Variants in SLIT1 observed in about 807,000 individuals in gnomAD.
SLIT1 encodes the protein slit guidance ligand 1.
SLIT1 carries 66 observed loss-of-function variants against 186.1 expected under a neutral mutation model. The observed-to-expected ratio is 0.35, with a 90% CI of 0.29 to 0.44. The LOEUF (loss-of-function observed/expected upper bound fraction) is 0.44. Among genes scored for constraint, SLIT1 ranks in the 20% least tolerant of loss-of-function variants. SLIT1 has a pLI of 1.00. For missense variants in SLIT1, 1,638 were observed against 2,037.4 expected (o/e 0.80, Z 3.77); for synonymous variants, 761 against 833.8 (o/e 0.91, Z 1.50).
intron 4 of SLIT1, among the ~76,000 whole-genome samples, chr10:97,074,354 G>T (rs555063830): frequency 6.6e-6 from 1 of 152,332 alleles, no homozygotes; most frequent in South Asian, 2.1e-4. Context: ...AGAGGCAGGA[G>T]CTCAGGGCCA....
chr10:97,059,352 G>T (rs1015367719), intron 11 of SLIT1, 108 bp downstream of exon 11: 6 of 881,286 alleles, frequency 6.8e-6, no homozygotes, highest in Non-Finnish European at 1.1e-5. Context: ...CTGTGTGGAG[G>T]GGGGCATAGC....
At chr10:97,173,205 C>T (rs2134739111) in intron 1 of SLIT1, among the ~76,000 whole-genome samples, 1 of 152,322 alleles carries the variant, frequency 6.6e-6, no homozygotes, top group Non-Finnish European at 1.5e-5. Context: ...GGTTGTCTTC[C>T]TCCTGCTCAG....
intron 4 of SLIT1, among the ~76,000 whole-genome samples, chr10:97,119,810 T>C (rs1849542288): frequency 6.6e-6 from 1 of 150,930 alleles, no homozygotes; most frequent in South Asian, 2.1e-4. Context: ...CTGGAGCAAA[T>C]ATGCCCAATG....
chr10:97,110,151 CAG>C (rs1849451637), intron 4 of SLIT1, among the ~76,000 whole-genome samples: 1 of 152,208 alleles, frequency 6.6e-6, no homozygotes, highest in South Asian at 2.1e-4. Flanking sequence ...GAAGAAGGAA[CAG>C]AAACAATTCC....
At chr10:97,056,225 A>G (rs573459563) in intron 13 of SLIT1, 96 bp downstream of exon 13, 9 of 1,387,692 alleles carry the variant, frequency 6.5e-6, no homozygotes, top group Non-Finnish European at 9.0e-6. Flanking sequence ...TGAGCACAGC[A>G]GCCCAGAGCC....
At chr10:97,119,680 TG>T (rs1849541165) in intron 4 of SLIT1, among the ~76,000 whole-genome samples, 1 of 147,352 alleles carries the variant, frequency 6.8e-6, no homozygotes, top group African/African-American at 2.5e-5. Context: ...AGGCAGGAGG[TG>T]GCTCAGCAGC....
rs1258100831 is a variant in SLIT1, at chr10:97,004,252, G to T, written c.3711-30C>A. 6.3e-7 allele frequency: 1 copy of T among 1,589,716 alleles called. No individual in the cohort carries two copies. The highest frequency in any genetic ancestry group is 8.6e-7 in the Non-Finnish European group (1 of 1,160,940). ...AGGAAGAGGGGGTTCCCCGTTCCAG[G>T]GAGTGGGCATCAGTCTGGACCATCC... On this transcript the variant is annotated intron_variant, in intron 33 of 36. Coordinates refer to ENST00000266058, the MANE Select transcript of SLIT1 (RefSeq NM_003061.3). The surrounding 1 kb of genome is among the most constrained non-coding windows in gnomAD (Gnocchi z 5.1).
chr10:97,021,486 C>A lies in SLIT1; in HGVS notation c.2583-73G>T. The A allele has an allele frequency of 6.9e-7, 1 of 1,446,652 alleles. No individual in the cohort carries two copies. The highest frequency in any genetic ancestry group is 9.4e-7 in the Non-Finnish European group (1 of 1,059,106). The allele number at this position is 1,446,652 out of a possible 1,614,324, so 89.6% of individuals were successfully genotyped here. ...CTCGCCCACTGGGAACCTAGAGTCC[C>A]AGGCACTGCACCAGGGGCTGGCAAA... On this transcript the variant is annotated intron_variant, in intron 25 of 36. Coordinates refer to ENST00000266058, the MANE Select transcript of SLIT1 (RefSeq NM_003061.3). This position sits in a 1 kb window ranked among gnomAD's most constrained non-coding sequence, Gnocchi z 4.5.
chr10:97,048,308 C>A (rs34256921), intron 14 of SLIT1, among the ~76,000 whole-genome samples: 18,864 of 152,168 alleles, frequency 0.12, 1,295 homozygotes, highest in Non-Finnish European at 0.14. Flanking sequence ...GGCGTCAGGA[C>A]CTTGACCAGG....
At chr10:97,064,964 C>A in intron 5 of SLIT1, 88 bp from the exon 6 acceptor site, 1 of 967,768 alleles carries the variant, frequency 1.0e-6, no homozygotes, top group Non-Finnish European at 1.6e-6. Context: ...TCCATTCATT[C>A]AAAAGAGGTG....
intron 4 of SLIT1, among the ~76,000 whole-genome samples, chr10:97,083,767 T>C (rs1849128907): frequency 6.6e-6 from 1 of 152,094 alleles, no homozygotes; most frequent in Non-Finnish European, 1.5e-5. Context: ...CCCTGTAGGT[T>C]TGAAAGGCAA....
chr10:97,133,850 C>A (rs998285421), intron 4 of SLIT1, among the ~76,000 whole-genome samples: 1 of 152,162 alleles, frequency 6.6e-6, no homozygotes, highest in Admixed American at 6.5e-5. Context: ...AAACTCACTC[C>A]AGCACCACCC....
chr10:97,074,545 A>T (rs1849028340), intron 4 of SLIT1, among the ~76,000 whole-genome samples: 1 of 152,184 alleles, frequency 6.6e-6, no homozygotes, highest in African/African-American at 2.4e-5. Context: ...CCCTTCACAC[A>T]TCCTTCAGGA....
At chr10:97,034,718 C>T (rs1221446315) in intron 22 of SLIT1, among the ~76,000 whole-genome samples, 176 bp from the exon 23 acceptor site, 1 of 152,194 alleles carries the variant, frequency 6.6e-6, no homozygotes, top group Non-Finnish European at 1.5e-5. Context: ...AGCTACAGTG[C>T]TGCGCTGCTC....
intron 30 of SLIT1, among the ~76,000 whole-genome samples, chr10:97,011,771 C>T (rs1848412853): frequency 6.6e-6 from 1 of 152,106 alleles, no homozygotes; most frequent in African/African-American, 2.4e-5. Flanking sequence ...GTCCTACAGA[C>T]CTCCTGCTCC....
chr10:97,134,862 T>G (rs1849686997), intron 4 of SLIT1, among the ~76,000 whole-genome samples: 1 of 152,176 alleles, frequency 6.6e-6, no homozygotes, highest in Non-Finnish European at 1.5e-5. Context: ...GGCCCTTGGA[T>G]GAACCTCCCT....
chr10:97,121,231 T>C (rs1281522397), intron 4 of SLIT1, among the ~76,000 whole-genome samples: 1 of 152,220 alleles, frequency 6.6e-6, no homozygotes, highest in East Asian at 1.9e-4. Context: ...TTCACTTTTA[T>C]GCACATTGTT....
rs1374823791 is a variant in SLIT1, at chr10:97,000,844, C to G, written c.*268G>C. 3.9e-6 allele frequency: 2 copies of G among 506,540 alleles called. No individual in the cohort carries two copies. The highest frequency in any genetic ancestry group is 7.1e-6 in the Non-Finnish European group (2 of 280,864). 31.4% of individuals were successfully genotyped at this position (506,540 alleles called of 1,614,324 possible). A position where few individuals can be genotyped will look rare whatever the true frequency, so the allele number is the denominator to read the frequency against. On this transcript the variant is annotated 3_prime_UTR_variant, in exon 37 of 37. Transcript: ENST00000266058. ...GCCTGACCTCACGCACACATTCACT[C>G]AACAAATATTTATTAAGCGCCTATT...
intron 4 of SLIT1, among the ~76,000 whole-genome samples, chr10:97,079,385 G>A (rs1348103962): frequency 3.3e-5 from 5 of 152,044 alleles, no homozygotes; most frequent in African/African-American, 1.2e-4. Flanking sequence ...GAGAAAATGT[G>A]GTGAGCTGTA....
Sources: allele counts gnomAD v4.1 joint callset (sites outside exome capture counted in the v4.1 genomes callset), GRCh38; gene constraint gnomAD v4.1.1; non-coding constraint Gnocchi (gnomAD v3.1); transcripts MANE v1.5; gene names NCBI Gene and HGNC (gene_info 2026-07-23, HGNC 2026-07-21).